Variants in TMEM132D observed in about 807,000 individuals in gnomAD.
TMEM132D encodes the protein transmembrane protein 132D.
TMEM132D carries 21 observed loss-of-function variants against 62.3 expected under a neutral mutation model. The ratio of observed to expected loss-of-function variants is 0.34; its 90% CI spans 0.24 to 0.49. The LOEUF (loss-of-function observed/expected upper bound fraction) is 0.49. Among genes scored for constraint, TMEM132D ranks in the 20% least tolerant of loss-of-function variants. The pLI, the probability that TMEM132D is intolerant of heterozygous loss-of-function variation, is 0.99. For missense variants in TMEM132D, 1,346 were observed against 1,402.8 expected (o/e 0.96, Z 0.65); for synonymous variants, 621 against 575.6 (o/e 1.08, Z -1.13).
chr12:129,836,246 C>T (rs971986262), intron 1 of TMEM132D, among the ~76,000 whole-genome samples: 2 of 152,102 alleles, frequency 1.3e-5, no homozygotes, highest in Non-Finnish European at 2.9e-5. Context: ...CTTTAAAAAG[C>T]TCTGTCTGCT....
chr12:129,303,149 C>G (rs1881765449), intron 4 of TMEM132D, among the ~76,000 whole-genome samples: 1 of 151,892 alleles, frequency 6.6e-6, no homozygotes, highest in African/African-American at 2.4e-5. Flanking sequence ...CCTCCACCAT[C>G]ATCACTCGCC....
intron 1 of TMEM132D, among the ~76,000 whole-genome samples, chr12:129,859,617 A>G (rs1873829040): frequency 6.6e-6 from 1 of 152,200 alleles, no homozygotes; most frequent in Admixed American, 6.5e-5. Context: ...GGCGGGCACC[A>G]ACCAATCAGC....
At chr12:129,340,497 C>T (rs1869438289) in intron 3 of TMEM132D, among the ~76,000 whole-genome samples, 1 of 151,684 alleles carries the variant, frequency 6.6e-6, no homozygotes, top group South Asian at 2.1e-4. Context: ...GTGATGTTCC[C>T]CTTCCTGTGT....
intron 3 of TMEM132D, among the ~76,000 whole-genome samples, chr12:129,366,080 A>G (rs1188179709): frequency 6.6e-6 from 1 of 152,104 alleles, no homozygotes; most frequent in East Asian, 1.9e-4. Context: ...ACTTCTTAAA[A>G]TTACTAAATA....
At chr12:129,473,393 G>T (rs1169828732) in intron 3 of TMEM132D, among the ~76,000 whole-genome samples, 5 of 125,626 alleles carry the variant, frequency 4.0e-5, no homozygotes, top group Non-Finnish European at 7.9e-5. Context: ...GCAGTGGCAT[G>T]ATCTCGGCTC....
intron 3 of TMEM132D, among the ~76,000 whole-genome samples, chr12:129,525,454 G>A (rs1429610618): frequency 6.6e-6 from 1 of 151,720 alleles, no homozygotes; most frequent in Non-Finnish European, 1.5e-5. Flanking sequence ...CTTGTACTTT[G>A]GCAAATTTAA....
At chr12:129,685,580 A>G (rs779086691) in intron 2 of TMEM132D, among the ~76,000 whole-genome samples, 2 of 152,220 alleles carry the variant, frequency 1.3e-5, no homozygotes, top group Non-Finnish European at 2.9e-5. Context: ...CTGATAAGGC[A>G]GTGCAGAAGG....
intron 4 of TMEM132D, among the ~76,000 whole-genome samples, chr12:129,271,774 T>C (rs1593318569): frequency 6.6e-6 from 1 of 152,048 alleles, no homozygotes. Context: ...TATTCCATGG[T>C]ATATGTGTGC....
chr12:129,753,284 A>G (rs899654539), intron 1 of TMEM132D, among the ~76,000 whole-genome samples: 1 of 152,244 alleles, frequency 6.6e-6, no homozygotes, highest in African/African-American at 2.4e-5. Flanking sequence ...ATTGTCCAAA[A>G]AGTGTACAAA....
intron 2 of TMEM132D, among the ~76,000 whole-genome samples, chr12:129,680,433 C>G (rs1431177887): frequency 6.6e-6 from 1 of 152,118 alleles, no homozygotes; most frequent in African/African-American, 2.4e-5. Flanking sequence ...TGTTCTTTTT[C>G]CACTCCCTCT....
At chr12:129,220,501 G>A (rs1462338844) in intron 4 of TMEM132D, among the ~76,000 whole-genome samples, 1 of 152,224 alleles carries the variant, frequency 6.6e-6, no homozygotes, top group Non-Finnish European at 1.5e-5. Flanking sequence ...ACACAGTGGA[G>A]AGAGCTCTCA....
intron 5 of TMEM132D, among the ~76,000 whole-genome samples, chr12:129,199,999 A>G (rs909458079): frequency 1.3e-5 from 2 of 152,150 alleles, no homozygotes; most frequent in Admixed American, 1.3e-4. Flanking sequence ...AATCACCACT[A>G]TTTGCTGTCC....
chr12:129,379,492 T>C (rs894066248), intron 3 of TMEM132D, among the ~76,000 whole-genome samples: 4 of 152,240 alleles, frequency 2.6e-5, no homozygotes, highest in African/African-American at 9.6e-5. Flanking sequence ...ACGTCTGTAG[T>C]GGTAATGACC....
intron 4 of TMEM132D, among the ~76,000 whole-genome samples, chr12:129,331,392 T>G (rs1869100408): frequency 6.6e-6 from 1 of 152,184 alleles, no homozygotes; most frequent in African/African-American, 2.4e-5. Flanking sequence ...CTCCTTTGAT[T>G]TTTTTCAAGG....
chr12:129,438,008 T>C (rs1215496057), intron 3 of TMEM132D, among the ~76,000 whole-genome samples: 2 of 151,990 alleles, frequency 1.3e-5, no homozygotes, highest in Admixed American at 1.3e-4. Flanking sequence ...TCTGTTTCTA[T>C]GTTAATTTGC....
intron 3 of TMEM132D, among the ~76,000 whole-genome samples, chr12:129,475,694 G>C (rs1413142757): frequency 2.0e-5 from 3 of 152,172 alleles, no homozygotes; most frequent in African/African-American, 7.2e-5. Flanking sequence ...TGAGTGAAAG[G>C]AAAGTGATTT....
At chr12:129,214,856 TG>T (rs1386723116) in intron 4 of TMEM132D, among the ~76,000 whole-genome samples, 1 of 152,224 alleles carries the variant, frequency 6.6e-6, no homozygotes, top group Non-Finnish European at 1.5e-5. Context: ...TTATATACTG[TG>T]GGTAGGAGTG....
At chr12:129,315,577 T>C (rs1868460437) in intron 4 of TMEM132D, among the ~76,000 whole-genome samples, 2 of 152,208 alleles carry the variant, frequency 1.3e-5, no homozygotes, top group Admixed American at 6.5e-5. Flanking sequence ...AGCATCTATC[T>C]TCATCAAGGA....
intron 2 of TMEM132D, among the ~76,000 whole-genome samples, chr12:129,550,590 A>G (rs1405804494): frequency 2.0e-5 from 3 of 152,198 alleles, no homozygotes; most frequent in Non-Finnish European, 4.4e-5. Context: ...CAACCATTTC[A>G]CAGCCATTAC....
Sources: gnomAD v4.1 joint callset for allele counts (sites outside exome capture counted in the v4.1 genomes callset) on GRCh38, gnomAD v4.1.1 for gene constraint, MANE v1.5 for transcripts, NCBI Gene and HGNC (gene_info 2026-07-23, HGNC 2026-07-21) for gene names.